The following PCNX1 variants were observed in gnomAD, a reference collection of about 807,000 sequenced individuals.
PCNX1 encodes pecanex 1.
In PCNX1, 78 loss-of-function variants were observed where a neutral mutation model predicts 242.2. The observed-to-expected ratio is 0.32, with a 90% CI of 0.27 to 0.39. The LOEUF (loss-of-function observed/expected upper bound fraction) is 0.39. Among genes scored for constraint, PCNX1 ranks in the 10% least tolerant of loss-of-function variants. The probability of loss-of-function intolerance (pLI) is 1.00; values close to 1 mark genes in which losing one functional copy is unlikely to be tolerated. For missense variants in PCNX1, 2,581 were observed against 2,856.5 expected (o/e 0.90, Z 2.20); for synonymous variants, 1,024 against 1,032.9 (o/e 0.99, Z 0.17).
chr14:71,112,883 A>G lies in PCNX1; in HGVS notation c.*2948A>G, dbSNP rs1463638312. On this transcript the variant is annotated 3_prime_UTR_variant, in exon 36 of 36. Transcript: ENST00000304743. ...CACCCCCTCTTTTGAGAGAAAGGTA[A>G]TCGTGGAATGAGTTATAAATTATTG... The G allele has an allele frequency of 1.3e-5, 2 of 152,124 alleles. No homozygotes were observed. Among genetic ancestry groups the G allele is most frequent in the Non-Finnish European group, 2.9e-5 (2 of 68,000 alleles). The allele number at this position is 152,124 out of a possible 1,614,324, so 9.4% of individuals were successfully genotyped here.
At chr14:71,104,450 C>T (rs1434784416) in intron 32 of PCNX1, among the ~76,000 whole-genome samples, 1 of 152,104 alleles carries the variant, frequency 6.6e-6, no homozygotes, top group African/African-American at 2.4e-5. Flanking sequence ...GATTCTTTCC[C>T]CCTAAGAAAA....
chr14:71,056,455 A>G (rs1183704440), intron 25 of PCNX1, among the ~76,000 whole-genome samples: 1 of 152,190 alleles, frequency 6.6e-6, no homozygotes, highest in Non-Finnish European at 1.5e-5. Context: ...TTGTGCTGAC[A>G]TAGAATTGAT....
chr14:70,951,904 C>G (rs1042265393), intron 2 of PCNX1, among the ~76,000 whole-genome samples: 1 of 152,246 alleles, frequency 6.6e-6, no homozygotes, highest in African/African-American at 2.4e-5. Context: ...TAACCTTTCA[C>G]ATTTTTTAAA....
chr14:71,019,630 G>A (rs1012149764), intron 12 of PCNX1, among the ~76,000 whole-genome samples: 2 of 152,140 alleles, frequency 1.3e-5, no homozygotes, highest in Non-Finnish European at 2.9e-5. Flanking sequence ...TCAAACTCCT[G>A]ACCTCGTGAT....
chr14:71,035,940 TC>T (rs892855933), intron 18 of PCNX1, 124 bp from the exon 19 acceptor site: 2 of 588,142 alleles, frequency 3.4e-6, no homozygotes, highest in Non-Finnish European at 6.0e-6. Flanking sequence ...TTTTTTTTTT[TC>T]TTTAATACTG....
chr14:70,959,310 T>C (rs2058115701), intron 2 of PCNX1, among the ~76,000 whole-genome samples: 1 of 150,700 alleles, frequency 6.6e-6, no homozygotes, highest in African/African-American at 2.4e-5. Flanking sequence ...ACACATGCCA[T>C]GCTGGTGAGC....
intron 30 of PCNX1, among the ~76,000 whole-genome samples, chr14:71,094,938 A>C (rs917721989): frequency 6.6e-6 from 1 of 152,198 alleles, no homozygotes; most frequent in Non-Finnish European, 1.5e-5. Flanking sequence ...CTCTAAAAAA[A>C]ACCCCAATAA....
intron 8 of PCNX1, among the ~76,000 whole-genome samples, chr14:71,008,871 G>A (rs1044553897): frequency 2.4e-4 from 37 of 151,962 alleles, no homozygotes; most frequent in African/African-American, 8.9e-4. Flanking sequence ...CCTCAAAGGG[G>A]AAGAATACAT....
In PCNX1 at chr14:71,108,712, C is replaced by T; in HGVS notation, c.6410C>T (p.Ser2137Phe). Residue 2137 changes from serine to phenylalanine, a missense_variant, in exon 34 of 36, where the codon TCC becomes TTC. Coordinates refer to ENST00000304743, the MANE Select transcript of PCNX1 (RefSeq NM_014982.3). Reference protein sequence around the residue: ...SSYCYSSRHSSLRMSTTGFVP... With the variant: ...SSYCYSSRHSFLRMSTTGFVP... ...TACTGCTATAGCAGCCGGCATTCATCCCTCCGGATGTCCACCACTGGGTTT... is the reference window on the plus strand; with the variant it reads ...TACTGCTATAGCAGCCGGCATTCATTCCTCCGGATGTCCACCACTGGGTTT... 1 of 1,614,232 alleles carries T rather than the reference C, an allele frequency of 6.2e-7. No homozygotes were observed. The highest frequency in any genetic ancestry group is 1.1e-5 in the South Asian group (1 of 91,086).
At chr14:70,916,625 A>G (rs116017641) in intron 1 of PCNX1, among the ~76,000 whole-genome samples, 214 of 152,346 alleles carry the variant, frequency 1.4e-3, no homozygotes, top group African/African-American at 5.0e-3. Flanking sequence ...ACCTTAATTA[A>G]AAAATACATT....
intron 24 of PCNX1, among the ~76,000 whole-genome samples, chr14:71,054,427 A>T (rs2061125267): frequency 6.6e-6 from 1 of 152,210 alleles, no homozygotes; most frequent in South Asian, 2.1e-4. Flanking sequence ...AAGAAATTTT[A>T]ATTATTGGGA....
In PCNX1 at chr14:71,026,263, T is replaced by C. The variant is rs771738300; in HGVS notation, c.3330T>C (p.Phe1110=). The change falls in exon 14 of 36, where the codon TTT becomes TTC. Residue 1110 remains phenylalanine, a synonymous_variant. Transcript: ENST00000304743. ...TAACTTTCACCAATCCACTGGTGTT[T>C]ATATCAGCCAGGGATTTAGTTATAG... ...YGITFTNPLV[F]ISARDLVIVF... is the part of the protein sequence containing the mutation. The C allele has an allele frequency of 6.2e-7, 1 of 1,606,094 alleles. No individual in the cohort carries two copies. Among genetic ancestry groups the C allele is most frequent in the Admixed American group, 1.7e-5 (1 of 59,360 alleles).
At chr14:71,109,686 G>T in intron 35 of PCNX1, 94 bp downstream of exon 35, 2 of 1,569,858 alleles carry the variant, frequency 1.3e-6, no homozygotes, top group Non-Finnish European at 1.7e-6. Context: ...ATACTTAAAC[G>T]TATAATTTTC....
chr14:70,979,455 C>T (rs61990375), intron 6 of PCNX1, among the ~76,000 whole-genome samples: 1,705 of 151,276 alleles, frequency 0.011, 16 homozygotes, highest in Middle Eastern at 0.034. Context: ...TGTTCTTCTG[C>T]CCAAGATAGT....
At chr14:71,016,680 G>T (rs1043435836) in intron 11 of PCNX1, among the ~76,000 whole-genome samples, 9 of 152,134 alleles carry the variant, frequency 5.9e-5, no homozygotes, top group African/African-American at 2.2e-4. Context: ...TGGGCTAAAT[G>T]AAAGTGAAAA....
At chr14:70,987,813 CAAT>C (rs777584606) in intron 6 of PCNX1, among the ~76,000 whole-genome samples, 6 of 152,078 alleles carry the variant, frequency 3.9e-5, no homozygotes, top group Non-Finnish European at 8.8e-5. Flanking sequence ...AAAGTACAAA[CAAT>C]AAAGTACAAA....
intron 20 of PCNX1, among the ~76,000 whole-genome samples, chr14:71,046,138 T>C (rs1394150315): frequency 6.6e-6 from 1 of 152,112 alleles, no homozygotes; most frequent in Non-Finnish European, 1.5e-5. Context: ...GAAAGCTTCC[T>C]AATAAATAAA....
intron 33 of PCNX1, among the ~76,000 whole-genome samples, chr14:71,107,618 G>T (rs903164457): frequency 3.9e-5 from 6 of 152,152 alleles, no homozygotes; most frequent in African/African-American, 1.4e-4. Context: ...CAAGCCACTT[G>T]AAAAAGGATG....
At chr14:70,965,465 C>T (rs1157358521) in intron 3 of PCNX1, 2 of 152,062 alleles carry the variant, frequency 1.3e-5, no homozygotes, top group African/African-American at 4.8e-5. Context: ...CGATTGAGAC[C>T]AGCCTGGCTA....
Sources: gnomAD v4.1 joint callset for allele counts (sites outside exome capture counted in the v4.1 genomes callset) on GRCh38, gnomAD v4.1.1 for gene constraint, MANE v1.5 for transcripts, NCBI Gene and HGNC (gene_info 2026-07-23, HGNC 2026-07-21) for gene names.